LPCAT3: variants seen among roughly 807,000 people sequenced by gnomAD.
LPCAT3 encodes the protein lysophosphatidylcholine acyltransferase 3.
Under a neutral mutation model 63.4 loss-of-function variants are expected in LPCAT3, and 21 were observed. That is an observed-to-expected ratio of 0.33 (90% CI 0.23 to 0.48). The LOEUF (loss-of-function observed/expected upper bound fraction) is 0.48, where lower values mean the gene tolerates loss of function less well. Among genes scored for constraint, LPCAT3 ranks in the 20% least tolerant of loss-of-function variants. LPCAT3 has a pLI of 0.99. For synonymous variants in LPCAT3, 242 were observed against 227.5 expected, an observed-to-expected ratio of 1.06 and a Z score of -0.58; for missense variants, 451 against 590.6, an observed-to-expected ratio of 0.76 and a Z score of 2.45.
Position 6,993,506 on chromosome 12 carries a change from A to G in LPCAT3, c.152-9967T>C, listed in dbSNP as rs999720756. On this transcript the variant is annotated intron_variant, in intron 1 of 12. Coordinates refer to ENST00000261407, the MANE Select transcript of LPCAT3 (RefSeq NM_005768.6). ...ATTTCAGAATATCTTCATCACCTCA[A>G]GTAGAAACCCCATACATGTTGGCAG... 5.9e-5 allele frequency among the ~76,000 whole-genome samples: 9 copies of G among 152,224 alleles called. No homozygotes were observed. In the South Asian group the frequency reaches 8.3e-4, roughly 14 times the overall value.
intron 1 of LPCAT3, among the ~76,000 whole-genome samples, chr12:6,999,090 TC>T (rs1946661917): frequency 6.6e-6 from 1 of 152,236 alleles, no homozygotes; most frequent in Non-Finnish European, 1.5e-5. Flanking sequence ...CAATCTATGC[TC>T]CAGCACCTGT....
chr12:7,002,643 GA>G, intron 1 of LPCAT3, among the ~76,000 whole-genome samples: 1 of 152,292 alleles, frequency 6.6e-6, no homozygotes, highest in Non-Finnish European at 1.5e-5. Flanking sequence ...TTATAAATTT[GA>G]ATAAGTGTGG....
At position 6,982,752 on chromosome 12, in the gene LPCAT3, A is replaced by G. The variant is rs1429199947; in HGVS notation, c.290T>C (p.Ile97Thr). The G allele has an allele frequency of 1.2e-6, 2 of 1,613,982 alleles. No individual in the cohort carries two copies. The highest frequency in any genetic ancestry group is 2.7e-5 in the African/African-American group (2 of 75,028). Residue 97 changes from isoleucine (I) to threonine (T), a missense_variant, in exon 3 of 13, where the codon ATT becomes ACT. This residue lies in a region of LPCAT3 where 133 missense variants were observed against 152.1 expected (regional missense o/e 0.87). Transcript: ENST00000261407. The stretch of plus-strand genomic sequence containing the variant: ...TCGAAGGATGAGGAACTGAAGCACA[A>G]TACACAGCAGGGAGTGGTAGAGCTG... ...GNQLYHSLLC[I>T]VLQFLILRLM...
chr12:6,985,886 T>TG (rs1260465278), intron 1 of LPCAT3, among the ~76,000 whole-genome samples: 5 of 150,600 alleles, frequency 3.3e-5, no homozygotes, highest in African/African-American at 1.2e-4. Context: ...GCGATTCTCC[T>TG]GCTTCAGCCT....
At chr12:7,015,059 C>T (rs1555157499) in intron 1 of LPCAT3, among the ~76,000 whole-genome samples, 1 of 152,178 alleles carries the variant, frequency 6.6e-6, no homozygotes, top group East Asian at 1.9e-4. Flanking sequence ...TCTGTGTGTT[C>T]TGGGTCACAA....
intron 1 of LPCAT3, chr12:6,997,369 A>G (rs1246224646): frequency 1.5e-5 from 2 of 137,588 alleles, no homozygotes; most frequent in Non-Finnish European, 3.0e-5. Context: ...CCCCAAAACA[A>G]CAGCAAATTA....
chr12:6,982,258 C>CA (rs1555154205), intron 3 of LPCAT3, among the ~76,000 whole-genome samples: 1 of 152,126 alleles, frequency 6.6e-6, no homozygotes, highest in African/African-American at 2.4e-5. Flanking sequence ...GGGTTAGTCT[C>CA]AAACTCCTGG....
At chr12:6,985,923 C>T (rs1309104956) in intron 1 of LPCAT3, among the ~76,000 whole-genome samples, 1 of 151,726 alleles carries the variant, frequency 6.6e-6, no homozygotes, top group Non-Finnish European at 1.5e-5. Context: ...TACAGGTGCC[C>T]GCCACCATGC....
At chr12:7,003,928 CAAAAAA>C (rs781922909) in intron 1 of LPCAT3, among the ~76,000 whole-genome samples, 1 of 63,442 alleles carries the variant, frequency 1.6e-5, no homozygotes, top group Non-Finnish European at 3.3e-5. Flanking sequence ...GACTCCGTCT[CAAAAAA>C]AAAAAAAAAA....
intron 7 of LPCAT3, 58 bp from the exon 8 acceptor site, chr12:6,978,747 A>G: frequency 6.3e-7 from 1 of 1,596,716 alleles, no homozygotes; most frequent in Non-Finnish European, 8.5e-7. Flanking sequence ...AGTTTCTCTC[A>G]GCACTCTTCC....
chr12:7,008,592 A>T (rs781809266), intron 1 of LPCAT3, among the ~76,000 whole-genome samples: 8 of 152,268 alleles, frequency 5.3e-5, no homozygotes, highest in East Asian at 1.9e-4. Context: ...TAACCTTATT[A>T]AAAAAATTCC....
Position 7,014,486 on chromosome 12 carries a change from A to G in LPCAT3, c.151+3788T>C, listed in dbSNP as rs115654131. On this transcript the variant is annotated intron_variant, in intron 1 of 12. Transcript: ENST00000261407. ...CAAACTCCTTGCAAGCATACACCAC[A>G]CAAACATAAACACACTCCTTTTACA... 1.7e-3 allele frequency among the ~76,000 whole-genome samples: 265 copies of G among 152,300 alleles called. 2 individuals are homozygous for G. Among genetic ancestry groups the G allele is most frequent in the African/African-American group, 6.1e-3 (254 of 41,576 alleles).
intron 1 of LPCAT3, among the ~76,000 whole-genome samples, chr12:6,990,978 A>C (rs782371919): frequency 1.3e-5 from 2 of 152,028 alleles, no homozygotes; most frequent in East Asian, 3.9e-4. Context: ...TGATTAATTC[A>C]GTAAAAATAT....
chr12:7,003,174 GAACTT>G (rs1223039177), intron 1 of LPCAT3, among the ~76,000 whole-genome samples: 4 of 152,010 alleles, frequency 2.6e-5, no homozygotes, highest in Admixed American at 2.6e-4. Flanking sequence ...GTCACTTTAA[GAACTT>G]GAAACTGGCT....
At chr12:6,986,753 AG>A (rs1180806602) in intron 1 of LPCAT3, among the ~76,000 whole-genome samples, 10 of 142,408 alleles carry the variant, frequency 7.0e-5, no homozygotes, top group African/African-American at 2.7e-4. Flanking sequence ...GAGCAGAGAG[AG>A]CCACTGCACT....
chr12:7,004,701 A>G (rs1555156760), intron 1 of LPCAT3, among the ~76,000 whole-genome samples: 1 of 152,200 alleles, frequency 6.6e-6, no homozygotes, highest in African/African-American at 2.4e-5. Context: ...GACTTTATAG[A>G]ACCTTCTACC....
chr12:6,998,531 A>C (rs1456159133), intron 1 of LPCAT3, among the ~76,000 whole-genome samples: 1 of 152,214 alleles, frequency 6.6e-6, no homozygotes, highest in Non-Finnish European at 1.5e-5. Flanking sequence ...TAGGAAGGAG[A>C]GTTAAGCTCT....
Position 7,018,366 on chromosome 12 carries a change from T to G in LPCAT3, c.59A>C (p.Gln20Pro), listed in dbSNP as rs1555157789. 6.2e-7 allele frequency: 1 copy of G among 1,612,404 alleles called. No individual in the cohort carries two copies. Among genetic ancestry groups the G allele is most frequent in the Non-Finnish European group, 8.5e-7 (1 of 1,179,372 alleles). ...GTVVALAGVL[Q>P]SGFQELSLNK... ...AAGGCTCAGCTCCTGGAAACCCGAC[T>G]GCAGAACCCCCGCCAGCGCCACCAC... The change falls in exon 1 of 13, where the codon CAG becomes CCG. Residue 20 changes from glutamine to proline, a missense_variant. Transcript: ENST00000261407. This position sits in a 1 kb window ranked among gnomAD's most constrained non-coding sequence, Gnocchi z 4.9.
chr12:7,003,928 CAAAAAAAAAAAAA>C (rs781922909), intron 1 of LPCAT3, among the ~76,000 whole-genome samples: 1 of 63,442 alleles, frequency 1.6e-5, no homozygotes, highest in African/African-American at 5.7e-5. Flanking sequence ...GACTCCGTCT[CAAAAAAAAAAAAA>C]AAAAAAAAAG....
Sources: gnomAD v4.1 joint callset for allele counts (sites outside exome capture counted in the v4.1 genomes callset) on GRCh38, gnomAD v4.1.1 for gene constraint, gnomAD v4.1.1 regional missense constraint, Gnocchi (gnomAD v3.1) non-coding constraint, MANE v1.5 for transcripts, NCBI Gene and HGNC (gene_info 2026-07-23, HGNC 2026-07-21) for gene names.